FGF14: variants seen among roughly 807,000 people sequenced by gnomAD.
FGF14 encodes the protein fibroblast growth factor 14.
A neutral mutation model predicts 25.5 loss-of-function variants in FGF14; 5 were observed. That is an observed-to-expected ratio of 0.20 (90% CI 0.10 to 0.41). The LOEUF (loss-of-function observed/expected upper bound fraction) is 0.41, where lower values mean the gene tolerates loss of function less well. Ranked by LOEUF, FGF14 falls within the 10% of genes least tolerant of loss-of-function variation. FGF14 has a pLI of 1.00. For synonymous variants in FGF14, 138 were observed against 118.3 expected (o/e 1.17, Z -1.08); for missense variants, 222 against 320.1 (o/e 0.69, Z 2.34).
intron 3 of FGF14, among the ~76,000 whole-genome samples, chr13:101,789,153 T>A (rs1225388801): frequency 6.6e-6 from 1 of 151,860 alleles, no homozygotes; most frequent in Non-Finnish European, 1.5e-5. Flanking sequence ...TACTTGAACA[T>A]GTGTAAGAAC....
chr13:101,883,947 C>A (rs1186382734), intron 1 of FGF14, among the ~76,000 whole-genome samples: 3 of 150,912 alleles, frequency 2.0e-5, no homozygotes, highest in Non-Finnish European at 4.4e-5. Flanking sequence ...CCTGTAATCC[C>A]AGCTACTCTG....
At chr13:101,726,385 G>A (rs1467223048) in intron 4 of FGF14, among the ~76,000 whole-genome samples, 1 of 151,882 alleles carries the variant, frequency 6.6e-6, no homozygotes, top group East Asian at 1.9e-4. Context: ...TGGCAGAGAA[G>A]AAATTTTTCC....
chr13:101,730,592 G>C (rs1367387958), intron 3 of FGF14, among the ~76,000 whole-genome samples: 2 of 152,204 alleles, frequency 1.3e-5, no homozygotes, highest in Non-Finnish European at 2.9e-5. Flanking sequence ...GCTCTTGAGA[G>C]TAATTGCACA....
chr13:102,079,808 G>A (rs547756187), intron 1 of FGF14, among the ~76,000 whole-genome samples: 78 of 152,134 alleles, frequency 5.1e-4, no homozygotes, highest in Admixed American at 3.1e-3. Context: ...AAGAGGGAAG[G>A]CATTGTTACA....
intron 3 of FGF14, among the ~76,000 whole-genome samples, chr13:101,762,874 G>C (rs2038119723): frequency 6.6e-6 from 1 of 152,130 alleles, no homozygotes; most frequent in Non-Finnish European, 1.5e-5. Context: ...CTCTTGCCCA[G>C]AGGAATATTT....
chr13:101,776,018 C>T (rs549615733), intron 3 of FGF14, among the ~76,000 whole-genome samples: 1 of 152,036 alleles, frequency 6.6e-6, no homozygotes, highest in African/African-American at 2.4e-5. Context: ...AATTCAAAAC[C>T]AGCCTAGTCA....
intron 1 of FGF14, among the ~76,000 whole-genome samples, chr13:102,350,197 C>T (rs925238229): frequency 1.3e-5 from 2 of 151,994 alleles, no homozygotes; most frequent in African/African-American, 4.8e-5. Context: ...GTAAGACCTC[C>T]GTCTCTACAA....
chr13:102,314,306 C>A (rs1307087963), intron 1 of FGF14, among the ~76,000 whole-genome samples: 1 of 152,142 alleles, frequency 6.6e-6, no homozygotes, highest in South Asian at 2.1e-4. Context: ...CTCTCTCCAC[C>A]GATGGCCCCA....
At chr13:102,140,055 C>CCG (rs1555365035) in intron 1 of FGF14, among the ~76,000 whole-genome samples, 13 of 146,100 alleles carry the variant, frequency 8.9e-5, no homozygotes, top group African/African-American at 3.3e-4. Flanking sequence ...CCCCCCCCCC[C>CCG]CTTACAGCAG....
intron 1 of FGF14, among the ~76,000 whole-genome samples, chr13:101,991,987 T>C (rs1002161159): frequency 6.6e-6 from 1 of 152,106 alleles, no homozygotes; most frequent in Non-Finnish European, 1.5e-5. Context: ...GCATAACCCA[T>C]GTAAAGAAGA....
chr13:101,811,854 T>C (rs1356556741), intron 3 of FGF14, among the ~76,000 whole-genome samples: 1 of 152,172 alleles, frequency 6.6e-6, no homozygotes, highest in African/African-American at 2.4e-5. Context: ...CACTGGTTCA[T>C]CTCTAACAGG....
intron 1 of FGF14, among the ~76,000 whole-genome samples, chr13:102,070,872 G>A (rs556321021): frequency 4.6e-5 from 7 of 152,190 alleles, no homozygotes; most frequent in African/African-American, 1.4e-4. Context: ...CCATGAAGCC[G>A]AAACTACAAC....
intron 1 of FGF14, among the ~76,000 whole-genome samples, chr13:101,936,377 T>C (rs1322712): frequency 6.6e-6 from 1 of 152,084 alleles, no homozygotes; most frequent in Non-Finnish European, 1.5e-5. Context: ...CTAAAGTCCA[T>C]ACCTTAGGCC....
intron 1 of FGF14, among the ~76,000 whole-genome samples, chr13:102,371,089 C>A (rs932238185): frequency 2.0e-5 from 3 of 152,154 alleles, no homozygotes; most frequent in African/African-American, 7.2e-5. Flanking sequence ...TTTCTGGCCA[C>A]GTGTTATTTC....
rs183853276 is a variant in FGF14 at position 101,994,382 on chromosome 13, A to G, written c.209-119086T>C. 3.0e-4 allele frequency among the ~76,000 whole-genome samples: 45 copies of G among 152,206 alleles called. 2 individuals carry two copies. Among genetic ancestry groups the G allele is most frequent in the Admixed American group, 2.2e-3 (33 of 15,280 alleles). On this transcript the variant is annotated intron_variant, in intron 1 of 4. Coordinates refer to the FGF14 transcript ENST00000376131. ...ACAGCAAAGGTCTTGATAAAAATCTATATTTTAACCTTTAAGGTGTCTTTT... is the reference window on the plus strand; with the variant it reads ...ACAGCAAAGGTCTTGATAAAAATCTGTATTTTAACCTTTAAGGTGTCTTTT...
intron 1 of FGF14, among the ~76,000 whole-genome samples, chr13:102,054,984 G>GTA (rs1392621128): frequency 3.3e-5 from 5 of 152,074 alleles, no homozygotes; most frequent in Admixed American, 2.0e-4. Flanking sequence ...GTACAACCAG[G>GTA]TATCCATGTC....
chr13:101,800,693 G>T (rs973081400), intron 3 of FGF14, among the ~76,000 whole-genome samples: 1 of 152,150 alleles, frequency 6.6e-6, no homozygotes, highest in African/African-American at 2.4e-5. Context: ...GAGACAGATG[G>T]CAAGACAGTC....
intron 1 of FGF14, among the ~76,000 whole-genome samples, chr13:102,250,694 C>T (rs1594583123): frequency 6.6e-6 from 1 of 152,166 alleles, no homozygotes; most frequent in East Asian, 1.9e-4. Flanking sequence ...TTTAAAGAGA[C>T]ATATTTGTTT....
At chr13:102,401,249 G>T (rs548025787) in intron 1 of FGF14, among the ~76,000 whole-genome samples, 7 of 151,860 alleles carry the variant, frequency 4.6e-5, no homozygotes, top group South Asian at 4.2e-4. Context: ...TCCTAGTGAT[G>T]GATTGTGTCA....
Sources: gnomAD v4.1 joint callset for allele counts (sites outside exome capture counted in the v4.1 genomes callset) on GRCh38, gnomAD v4.1.1 for gene constraint, MANE v1.5 for transcripts, NCBI Gene and HGNC (gene_info 2026-07-23, HGNC 2026-07-21) for gene names.